The following CLOCK variants were observed in gnomAD, a reference collection of about 807,000 sequenced individuals.
CLOCK encodes clock circadian regulator.
CLOCK carries 43 observed loss-of-function variants against 118.4 expected under a neutral mutation model. That is an observed-to-expected ratio of 0.36 (90% confidence interval 0.28 to 0.47). The LOEUF (loss-of-function observed/expected upper bound fraction) is 0.47. CLOCK is among the 20% of genes least tolerant of loss of function. The pLI is 1.00. For synonymous variants in CLOCK, 326 were observed against 339.2 expected (o/e 0.96, Z 0.43); for missense variants, 846 against 999.9 (o/e 0.85, Z 2.08).
intron 2 of CLOCK, among the ~76,000 whole-genome samples, chr4:55,509,689 G>A (rs1729020119): frequency 6.6e-6 from 1 of 152,110 alleles, no homozygotes; most frequent in Non-Finnish European, 1.5e-5. Flanking sequence ...AGAAATTTCA[G>A]GAATTGCTAA....
intron 1 of CLOCK, chr4:55,540,736 G>A (rs949227386): frequency 6.6e-6 from 1 of 152,226 alleles, no homozygotes; most frequent in African/African-American, 2.4e-5. Context: ...ACGTGGAGTG[G>A]AGAGGGAGGA....
intron 8 of CLOCK, among the ~76,000 whole-genome samples, chr4:55,465,372 T>G (rs1725666056): frequency 6.6e-6 from 1 of 152,128 alleles, no homozygotes; most frequent in African/African-American, 2.4e-5. Flanking sequence ...AACCAACCAA[T>G]TCCCCCATGG....
At chr4:55,451,591 G>A (rs1392241726) in intron 15 of CLOCK, among the ~76,000 whole-genome samples, 2 of 152,114 alleles carry the variant, frequency 1.3e-5, no homozygotes, top group East Asian at 1.9e-4. Context: ...AAATATGGTG[G>A]GAAAGTAGAC....
At chr4:55,517,505 G>A (rs1363704025) in intron 1 of CLOCK, among the ~76,000 whole-genome samples, 2 of 152,114 alleles carry the variant, frequency 1.3e-5, no homozygotes, top group Non-Finnish European at 2.9e-5. Flanking sequence ...GCCAGACTCT[G>A]TCTCAAAACA....
At chr4:55,509,560 C>G (rs1729012284) in intron 2 of CLOCK, among the ~76,000 whole-genome samples, 1 of 152,172 alleles carries the variant, frequency 6.6e-6, no homozygotes, top group South Asian at 2.1e-4. Flanking sequence ...GACACTTTAT[C>G]TCTATAGCTA....
chr4:55,458,675 T>A (rs1282095071), intron 11 of CLOCK, among the ~76,000 whole-genome samples: 1 of 152,054 alleles, frequency 6.6e-6, no homozygotes, highest in Non-Finnish European at 1.5e-5. Flanking sequence ...AGTAGGGCAA[T>A]ATTGATATAT....
chr4:55,496,062 G>A (rs1391878852), intron 2 of CLOCK, among the ~76,000 whole-genome samples: 9 of 151,868 alleles, frequency 5.9e-5, no homozygotes, highest in Non-Finnish European at 1.0e-4. Context: ...GGTGGCAGGC[G>A]CCTGTAATCC....
chr4:55,533,032 A>C (rs891884142), intron 1 of CLOCK, among the ~76,000 whole-genome samples: 10 of 152,210 alleles, frequency 6.6e-5, no homozygotes, highest in Non-Finnish European at 1.2e-4. Flanking sequence ...ATACTGTTAA[A>C]ATGTCCATAC....
In CLOCK at chr4:55,453,692, G is replaced by A; in HGVS notation, c.1115C>T (p.Thr372Ile). 1.2e-6 allele frequency: 2 copies of A among 1,610,462 alleles called. No individual in the cohort carries two copies. The highest frequency in any genetic ancestry group is 1.7e-6 in the Non-Finnish European group (2 of 1,177,436). ...WNSRPEFIVC[T>I]HTVVSYAEVR... The stretch of plus-strand genomic sequence containing the variant: ...GAATTATTACCTTACTACAGTGTGA[G>A]TACAAACAATAAACTCTGGCCTTGA... Residue 372 changes from threonine to isoleucine, a missense_variant, in exon 14 of 23, where the codon ACT (threonine) becomes ATT (isoleucine). By Grantham distance (89) the Thr-to-Ile change is moderately conservative. This residue lies in a region of CLOCK where 66 missense variants were observed against 99.4 expected (regional missense o/e 0.66). Transcript: ENST00000513440.
intron 2 of CLOCK, among the ~76,000 whole-genome samples, chr4:55,491,684 T>C (rs985864016): frequency 6.6e-6 from 1 of 152,034 alleles, no homozygotes; most frequent in African/African-American, 2.4e-5. Flanking sequence ...TCTAAAACTA[T>C]AAACAATCCA....
chr4:55,481,950 G>A (rs555957484), intron 4 of CLOCK, among the ~76,000 whole-genome samples: 5 of 152,210 alleles, frequency 3.3e-5, no homozygotes, highest in African/African-American at 1.2e-4. Flanking sequence ...TAAAAATGTT[G>A]TTGGATTATA....
chr4:55,541,759 C>T (rs1167303817), intron 1 of CLOCK, among the ~76,000 whole-genome samples: 2 of 151,990 alleles, frequency 1.3e-5, no homozygotes, highest in African/African-American at 2.4e-5. Context: ...TCAAATAAAA[C>T]ATCAAATGGT....
At chr4:55,484,521 C>G (rs1021897794) in intron 3 of CLOCK, among the ~76,000 whole-genome samples, 1 of 152,060 alleles carries the variant, frequency 6.6e-6, no homozygotes, top group Non-Finnish European at 1.5e-5. Flanking sequence ...ATTTAAAGAC[C>G]ACCTAAGTAC....
At chr4:55,505,936 C>T (rs1451186949) in intron 2 of CLOCK, among the ~76,000 whole-genome samples, 1 of 151,452 alleles carries the variant, frequency 6.6e-6, no homozygotes, top group Non-Finnish European at 1.5e-5. Context: ...CATATCATAC[C>T]TTTTTACCTC....
At chr4:55,535,085 T>C (rs1171148440) in intron 1 of CLOCK, among the ~76,000 whole-genome samples, 1 of 152,016 alleles carries the variant, frequency 6.6e-6, no homozygotes, top group Non-Finnish European at 1.5e-5. Flanking sequence ...CATGCCACCA[T>C]GTCTGGCTAA....
At chr4:55,453,395 C>A (rs1724641499) in intron 14 of CLOCK, 1 of 487,648 alleles carries the variant, frequency 2.1e-6, no homozygotes, top group Non-Finnish European at 3.6e-6. Flanking sequence ...GTATGCTTAT[C>A]TACCTACAGT....
In CLOCK at chr4:55,493,331, A is replaced by C. The variant is rs73819621; in HGVS notation, c.-135-3866T>G. On this transcript the variant is annotated intron_variant, in intron 2 of 22. Coordinates refer to ENST00000513440, the MANE Select transcript of CLOCK (RefSeq NM_004898.4). Reference sequence around the variant, plus strand: ...TTTTCCCTAACCTAATAACCTACTGACCCACTGACCTACTTTGGAATTTAG... The same window carrying C: ...TTTTCCCTAACCTAATAACCTACTGCCCCACTGACCTACTTTGGAATTTAG... Among the ~76,000 whole-genome samples the C allele has an allele frequency of 8.1e-3, 1,241 of 152,304 alleles. 12 individuals carry two copies. Among genetic ancestry groups the C allele is most frequent in the African/African-American group, 0.028 (1,164 of 41,558 alleles).
chr4:55,466,234 G>A (rs1161831196), intron 8 of CLOCK, among the ~76,000 whole-genome samples: 1 of 152,072 alleles, frequency 6.6e-6, no homozygotes, highest in Non-Finnish European at 1.5e-5. Context: ...GGTTTTGTAA[G>A]GGGCTTTTCC....
At chr4:55,473,483 T>C (rs190474851) in intron 7 of CLOCK, among the ~76,000 whole-genome samples, 1 of 152,238 alleles carries the variant, frequency 6.6e-6, no homozygotes, top group African/African-American at 2.4e-5. Flanking sequence ...GCTGAATACA[T>C]AAAGAATTAA....
Sources: allele counts gnomAD v4.1 joint callset (sites outside exome capture counted in the v4.1 genomes callset), GRCh38; gene constraint gnomAD v4.1.1; regional missense constraint gnomAD v4.1.1; transcripts MANE v1.5; gene names NCBI Gene and HGNC (gene_info 2026-07-23, HGNC 2026-07-21).